The following COL4A1 variants were observed in gnomAD, a reference collection of about 807,000 sequenced individuals.
The protein encoded by COL4A1 is collagen alpha-1(IV) chain.
Under a neutral mutation model 216.6 loss-of-function variants are expected in COL4A1, and 40 were observed. That is an observed-to-expected ratio of 0.18 (90% CI 0.14 to 0.24). The LOEUF (loss-of-function observed/expected upper bound fraction) is 0.24. COL4A1 is among the 10% of genes least tolerant of loss of function. COL4A1 has a pLI of 1.00. For synonymous variants in COL4A1, 839 were observed against 810.7 expected, an observed-to-expected ratio of 1.03 and a Z score of -0.59; for missense variants, 1,628 against 2,196.8, an observed-to-expected ratio of 0.74 and a Z score of 5.18.
intron 1 of COL4A1, among the ~76,000 whole-genome samples, chr13:110,254,991 T>C (rs558821916): frequency 2.6e-5 from 4 of 152,208 alleles, no homozygotes; most frequent in African/African-American, 9.6e-5. Flanking sequence ...AGGAGCTTGC[T>C]GGTTAAGAGG....
intron 2 of COL4A1, among the ~76,000 whole-genome samples, chr13:110,220,032 C>T (rs1301531082): frequency 1.3e-5 from 2 of 150,146 alleles, no homozygotes; most frequent in Admixed American, 6.7e-5. Context: ...TGCAGTGTTA[C>T]TATCTTGGCT....
At position 110,205,406 on chromosome 13, in the gene COL4A1, C is replaced by T. The variant is rs144795487; in HGVS notation, c.904G>A (p.Gly302Ser). 6.2e-7 allele frequency: 1 copy of T among 1,614,016 alleles called. No individual in the cohort carries two copies. Among genetic ancestry groups the T allele is most frequent in the Non-Finnish European group, 8.5e-7 (1 of 1,180,002 alleles). ...DGDKGEKGSP[G>S]FPGEPGYPGL... ...GGGTACCCGGGTTCACCAGGAAAAC[C>T]CTGAAACCGAAGAGAGAAGCAGTAA... The change falls in exon 17 of 52, where the codon GGT becomes AGT. Residue 302 changes from glycine to serine, a missense_variant and splice_region_variant. By Grantham distance (56) the Gly-to-Ser change is moderately conservative. This residue lies in a region of COL4A1 where 701 missense variants were observed against 892.5 expected (regional missense o/e 0.79). Transcript: ENST00000375820.
In COL4A1 at chr13:110,192,873, T is replaced by C; in HGVS notation, c.1422A>G (p.Gly474=). ...CCTGTGGCCCGGGAGGCCCCCGATA[T>C]CCGTCTATATCACAGATGAGGCAAC... The part of the protein sequence containing the change: ...GESCLICDID[G]YRGPPGPQGP... The change falls in exon 23 of 52, where the codon GGA becomes GGG. Residue 474 remains glycine, a synonymous_variant. Coordinates refer to ENST00000375820, the MANE Select transcript of COL4A1 (RefSeq NM_001845.6). The C allele has an allele frequency of 1.9e-6, 3 of 1,614,062 alleles. No individual in the cohort carries two copies. Among genetic ancestry groups the C allele is most frequent in the Non-Finnish European group, 2.5e-6 (3 of 1,180,002 alleles).
intron 43 of COL4A1, among the ~76,000 whole-genome samples, chr13:110,167,737 C>G (rs143459403): frequency 6.6e-6 from 1 of 152,266 alleles, no homozygotes; most frequent in African/African-American, 2.4e-5. Context: ...CGAGTATTTT[C>G]CTTTATACTG....
chr13:110,212,706 C>T, intron 4 of COL4A1, 88 bp from the exon 5 acceptor site: 3 of 1,494,960 alleles, frequency 2.0e-6, no homozygotes, highest in Non-Finnish European at 2.8e-6. Context: ...TGGAGTCATG[C>T]CCTCATTTTT....
At chr13:110,155,873 A>G (rs1876762803) in intron 49 of COL4A1, among the ~76,000 whole-genome samples, 1 of 152,034 alleles carries the variant, frequency 6.6e-6, no homozygotes, top group Non-Finnish European at 1.5e-5. Context: ...GATTGTGTCA[A>G]TGCACTCCAG....
chr13:110,209,362 CA>C, intron 11 of COL4A1, 29 bp downstream of exon 11: 1 of 1,608,066 alleles, frequency 6.2e-7, no homozygotes, highest in Non-Finnish European at 8.5e-7. Context: ...ATACTAATGC[CA>C]AAGAACAAAA....
At chr13:110,156,164 G>A (rs2138421859) in intron 49 of COL4A1, among the ~76,000 whole-genome samples, 1 of 152,324 alleles carries the variant, frequency 6.6e-6, no homozygotes, top group East Asian at 1.9e-4. Flanking sequence ...TCTAACAGTG[G>A]CTCTCCTGGA....
At chr13:110,267,906 G>T (rs991330371) in intron 1 of COL4A1, among the ~76,000 whole-genome samples, 8 of 152,048 alleles carry the variant, frequency 5.3e-5, no homozygotes, top group Non-Finnish European at 8.8e-5. Flanking sequence ...TAAAAAATAT[G>T]TAGGTCAGGA....
chr13:110,259,023 G>A (rs980471700), intron 1 of COL4A1, among the ~76,000 whole-genome samples: 12 of 152,268 alleles, frequency 7.9e-5, no homozygotes, highest in African/African-American at 2.9e-4. Flanking sequence ...CGGATGCAAA[G>A]ACTTCAGATG....
chr13:110,263,290 A>G (rs141394178), intron 1 of COL4A1, among the ~76,000 whole-genome samples: 52 of 152,342 alleles, frequency 3.4e-4, no homozygotes, highest in Admixed American at 2.3e-3. Context: ...AGGTTCAGAT[A>G]AGACAGAATA....
At chr13:110,246,266 T>C (rs1881807311) in intron 1 of COL4A1, among the ~76,000 whole-genome samples, 1 of 152,154 alleles carries the variant, frequency 6.6e-6, no homozygotes, top group East Asian at 1.9e-4. Context: ...TGGTCCTTTC[T>C]GTCATATAAG....
intron 1 of COL4A1, among the ~76,000 whole-genome samples, chr13:110,287,546 T>C (rs1157139773): frequency 6.6e-6 from 1 of 152,192 alleles, no homozygotes; most frequent in African/African-American, 2.4e-5. Context: ...TTGTATCGGA[T>C]GAACTCTTCT....
At chr13:110,265,228 G>A (rs1349321885) in intron 1 of COL4A1, 2 of 152,270 alleles carry the variant, frequency 1.3e-5, no homozygotes, top group Non-Finnish European at 2.9e-5. Context: ...ATCACAGAAA[G>A]AGGAAAGAGG....
chr13:110,290,800 A>G (rs577270080), intron 1 of COL4A1, among the ~76,000 whole-genome samples: 1 of 152,374 alleles, frequency 6.6e-6, no homozygotes, highest in Non-Finnish European at 1.5e-5. Flanking sequence ...ATCTGTCAAT[A>G]TCACTGCATT....
chr13:110,236,067 C>T (rs1233004870), intron 2 of COL4A1, among the ~76,000 whole-genome samples: 3 of 152,268 alleles, frequency 2.0e-5, no homozygotes, highest in East Asian at 3.9e-4. Flanking sequence ...AAGTGAGTCC[C>T]ATACCTTAAA....
At chr13:110,179,243 C>A (rs1422054194) in intron 30 of COL4A1, 28 bp downstream of exon 30, 1 of 1,613,836 alleles carries the variant, frequency 6.2e-7, no homozygotes, top group African/African-American at 1.3e-5. Context: ...GTCCTCGAAA[C>A]CCTCCAGACT....
At chr13:110,159,524 C>T (rs1420065429) in intron 49 of COL4A1, among the ~76,000 whole-genome samples, 1 of 152,188 alleles carries the variant, frequency 6.6e-6, no homozygotes, top group Admixed American at 6.5e-5. Context: ...GGTGTGGCCA[C>T]TGTGGAAAAC....
chr13:110,180,628 G>T (rs1026689025), intron 29 of COL4A1, among the ~76,000 whole-genome samples: 2 of 152,242 alleles, frequency 1.3e-5, no homozygotes, highest in African/African-American at 4.8e-5. Flanking sequence ...ATCGGTAGTC[G>T]CTCACATTTG....
Sources: allele counts gnomAD v4.1 joint callset (sites outside exome capture counted in the v4.1 genomes callset), GRCh38; gene constraint gnomAD v4.1.1; regional missense constraint gnomAD v4.1.1; transcripts MANE v1.5; gene names NCBI Gene and HGNC (gene_info 2026-07-23, HGNC 2026-07-21).